Variants in GABRB1 observed in about 807,000 individuals in gnomAD.
GABRB1 encodes gamma-aminobutyric acid type A receptor subunit beta1, also known as gamma-aminobutyric acid receptor subunit beta-1.
A neutral mutation model predicts 51.6 loss-of-function variants in GABRB1; 17 were observed. The ratio of observed to expected loss-of-function variants is 0.33; its 90% CI spans 0.23 to 0.49. GABRB1 has a LOEUF of 0.49. GABRB1 is among the 20% of genes least tolerant of loss of function. GABRB1 has a pLI of 0.99. For missense variants in GABRB1, 410 were observed against 600.6 expected (o/e 0.68, Z 3.32); for synonymous variants, 247 against 218.9 (o/e 1.13, Z -1.14).
intron 8 of GABRB1, among the ~76,000 whole-genome samples, chr4:47,413,546 T>A (rs748462568): frequency 2.0e-5 from 3 of 152,240 alleles, no homozygotes; most frequent in African/African-American, 2.4e-5. Context: ...TTAATTTTTT[T>A]AAATATAATG....
At chr4:47,105,729 C>T (rs1714939294) in intron 3 of GABRB1, among the ~76,000 whole-genome samples, 1 of 152,094 alleles carries the variant, frequency 6.6e-6, no homozygotes. Flanking sequence ...CTTCGTGCAG[C>T]AGATGCTGTT....
chr4:47,101,257 G>T (rs1714708461), intron 3 of GABRB1, among the ~76,000 whole-genome samples: 1 of 152,028 alleles, frequency 6.6e-6, no homozygotes, highest in Non-Finnish European at 1.5e-5. Context: ...CATGAATCAT[G>T]CATGAAACCA....
intron 4 of GABRB1, among the ~76,000 whole-genome samples, chr4:47,224,362 A>C (rs1177650284): frequency 6.6e-6 from 1 of 152,120 alleles, no homozygotes; most frequent in African/African-American, 2.4e-5. Flanking sequence ...ATTCACGACT[A>C]TTGCAGTAGG....
At position 47,104,508 on chromosome 4, in the gene GABRB1, C is replaced by T. The variant is rs1577911756; in HGVS notation, c.241-56741C>T. On this transcript the variant is annotated intron_variant, in intron 3 of 8. Transcript: ENST00000295454. ...CATAAATACTTTTTCCTGCTGTCTT[C>T]TCTCTCTCTCTCTCTCTCTCTCTTT... is the stretch of plus-strand genomic sequence containing the variant. Among the ~76,000 whole-genome samples the T allele has an allele frequency of 3.4e-4, 3 of 8,726 alleles. No individual in the cohort carries two copies. In the Admixed American group the frequency reaches 4.6e-3, roughly 13 times the overall value. The allele number at this position is 8,726 out of a possible 152,430, so 5.7% of individuals were successfully genotyped here.
intron 4 of GABRB1, among the ~76,000 whole-genome samples, chr4:47,198,451 A>T (rs1719776978): frequency 6.6e-6 from 1 of 152,192 alleles, no homozygotes; most frequent in Admixed American, 6.5e-5. Flanking sequence ...TACAGATGTT[A>T]CAGACTGCTG....
At chr4:47,174,955 CCTT>C (rs796991539) in intron 4 of GABRB1, among the ~76,000 whole-genome samples, 3 of 136,128 alleles carry the variant, frequency 2.2e-5, no homozygotes, top group African/African-American at 8.3e-5. Context: ...CTCCTTCCTT[CCTT>C]CTTTTCTTCC....
chr4:47,337,903 C>T (rs1431894479), intron 5 of GABRB1, among the ~76,000 whole-genome samples: 2 of 148,000 alleles, frequency 1.4e-5, no homozygotes, highest in African/African-American at 4.9e-5. Context: ...TGCATTTTAA[C>T]TACTCAATAA....
At chr4:47,337,812 A>G (rs906055728) in intron 5 of GABRB1, among the ~76,000 whole-genome samples, 4 of 144,930 alleles carry the variant, frequency 2.8e-5, no homozygotes, top group Non-Finnish European at 6.0e-5. Context: ...TCTGTCTAAA[A>G]AAAAAAAAAA....
At chr4:47,277,679 T>A (rs1200091956) in intron 4 of GABRB1, among the ~76,000 whole-genome samples, 1 of 151,888 alleles carries the variant, frequency 6.6e-6, no homozygotes, top group Non-Finnish European at 1.5e-5. Context: ...ATTTTAAATA[T>A]AAAAAGTTGA....
chr4:47,127,100 T>C (rs1382826456), intron 3 of GABRB1, among the ~76,000 whole-genome samples: 1 of 151,810 alleles, frequency 6.6e-6, no homozygotes, highest in Non-Finnish European at 1.5e-5. Context: ...ACAGTTTGAA[T>C]AGAAAAAAAC....
rs547297530 is a variant in GABRB1, at chr4:47,360,361, T to C, written c.544+40152T>C. Among the ~76,000 whole-genome samples the C allele has an allele frequency of 2.0e-5, 3 of 152,146 alleles. No individual in the cohort carries two copies. The South Asian group carries it at 6.2e-4, about 32-fold the overall frequency. ...GACAAGAGTGCTGCAACTCAGAGTT[T>C]TTTTTTTCTCTCATTTTTTGGTGTT... is the stretch of plus-strand genomic sequence containing the variant. On this transcript the variant is annotated intron_variant, in intron 5 of 8. Coordinates refer to ENST00000295454, the MANE Select transcript of GABRB1 (RefSeq NM_000812.4).
intron 3 of GABRB1, among the ~76,000 whole-genome samples, chr4:47,081,460 T>C (rs1387658394): frequency 6.6e-6 from 1 of 152,334 alleles, no homozygotes; most frequent in Middle Eastern, 3.4e-3. Flanking sequence ...AAATATCAAA[T>C]GCATACATTT....
chr4:47,326,429 CATTAT>C, intron 5 of GABRB1, among the ~76,000 whole-genome samples: 1 of 152,212 alleles, frequency 6.6e-6, no homozygotes, highest in Middle Eastern at 3.4e-3. Context: ...ACTTTTATTA[CATTAT>C]ATTTTTATAA....
chr4:47,151,491 G>T (rs1163036708), intron 3 of GABRB1, among the ~76,000 whole-genome samples: 4 of 151,954 alleles, frequency 2.6e-5, no homozygotes, highest in Non-Finnish European at 5.9e-5. Context: ...AATTTAGCTT[G>T]CTTCATAACT....
intron 8 of GABRB1, among the ~76,000 whole-genome samples, chr4:47,423,703 G>A (rs1729166710): frequency 6.6e-6 from 1 of 152,186 alleles, no homozygotes; most frequent in Non-Finnish European, 1.5e-5. Flanking sequence ...ACAAAGAGGA[G>A]AGAAAATAAT....
At chr4:47,296,753 G>A (rs1724014935) in intron 4 of GABRB1, among the ~76,000 whole-genome samples, 1 of 152,148 alleles carries the variant, frequency 6.6e-6, no homozygotes, top group African/African-American at 2.4e-5. Context: ...TCTGCACTAA[G>A]TGGACCTAAT....
intron 3 of GABRB1, among the ~76,000 whole-genome samples, chr4:47,066,265 T>C (rs1727077971): frequency 3.9e-5 from 6 of 152,218 alleles, no homozygotes; most frequent in Admixed American, 3.9e-4. Flanking sequence ...TACTAAAATA[T>C]GCTAATGATC....
chr4:47,067,027 T>C (rs1299624589), intron 3 of GABRB1, among the ~76,000 whole-genome samples: 1 of 152,226 alleles, frequency 6.6e-6, no homozygotes, highest in Non-Finnish European at 1.5e-5. Flanking sequence ...ATGAATGTTG[T>C]GTTAGAGGGC....
At chr4:47,282,140 G>T (rs1474736260) in intron 4 of GABRB1, among the ~76,000 whole-genome samples, 1 of 151,948 alleles carries the variant, frequency 6.6e-6, no homozygotes, top group East Asian at 1.9e-4. Context: ...ACATCGCCTT[G>T]TACCCTACAA....
Sources: allele counts gnomAD v4.1 joint callset (sites outside exome capture counted in the v4.1 genomes callset), GRCh38; gene constraint gnomAD v4.1.1; transcripts MANE v1.5; gene names NCBI Gene and HGNC (gene_info 2026-07-23, HGNC 2026-07-21).